The following CDCA7L variants were observed in gnomAD, a reference collection of about 807,000 sequenced individuals.
CDCA7L encodes the protein cell division cycle associated 7 like.
Under a neutral mutation model 57.4 loss-of-function variants are expected in CDCA7L, and 44 were observed. That is an observed-to-expected ratio of 0.77 (90% CI 0.60 to 0.98). The LOEUF is 0.98. Among genes scored for constraint, CDCA7L ranks in the 50% least tolerant of loss-of-function variants. The pLI is 0.00. For synonymous variants in CDCA7L, 236 were observed against 202.8 expected, an observed-to-expected ratio of 1.16 and a Z score of -1.39; for missense variants, 644 against 580.6, an observed-to-expected ratio of 1.11 and a Z score of -1.12.
chr7:21,940,320 A>G (rs762490813), intron 1 of CDCA7L: 3 of 984,832 alleles, frequency 3.0e-6, no homozygotes, highest in Non-Finnish European at 2.4e-6. Context: ...AGTGCTCTGA[A>G]AAGTAGAAAA....
chr7:21,945,719 G>A, intron 1 of CDCA7L, 62 bp downstream of exon 1: 2 of 1,593,466 alleles, frequency 1.3e-6, no homozygotes, highest in South Asian at 2.3e-5. Context: ...AGCAGGACCG[G>A]GTGGCAAAGG....
At chr7:21,928,521 G>C (rs1785894933) in intron 1 of CDCA7L, among the ~76,000 whole-genome samples, 1 of 151,964 alleles carries the variant, frequency 6.6e-6, no homozygotes, top group Non-Finnish European at 1.5e-5. Context: ...AAAGAAGCAT[G>C]TTCTAACTCA....
At chr7:21,914,011 A>C (rs1307112685) in intron 2 of CDCA7L, among the ~76,000 whole-genome samples, 2 of 152,210 alleles carry the variant, frequency 1.3e-5, no homozygotes, top group Non-Finnish European at 2.9e-5. Flanking sequence ...ATTCATCTTC[A>C]AAATCAATAC....
Position 21,943,743 on chromosome 7 carries a change from C to A in CDCA7L, c.24+2038G>T, listed in dbSNP as rs186802706. Among the ~76,000 whole-genome samples, 760 of 150,148 alleles carry A rather than the reference C, an allele frequency of 5.1e-3. 4 individuals are homozygous for A. The highest frequency in any genetic ancestry group is 7.8e-3 in the Non-Finnish European group (528 of 67,648). On this transcript the variant is annotated intron_variant, in intron 1 of 9. Transcript: ENST00000406877. Reference sequence around the variant, plus strand: ...CTTCAGAAAAGGAAAAAAAAAAAAACCCTGATCATCTTACATATAGTAATT... The same window carrying A: ...CTTCAGAAAAGGAAAAAAAAAAAAAACCTGATCATCTTACATATAGTAATT...
rs1324206528 is a variant in CDCA7L at position 21,902,875 on chromosome 7, TA to T, written c.1334+102del. 3.8e-6 allele frequency: 4 copies of T among 1,059,734 alleles called. No individual in the cohort carries two copies. In the East Asian group the frequency reaches 9.6e-5, roughly 25 times the overall value. The allele number at this position is 1,059,734 out of a possible 1,614,324, so 65.6% of individuals were successfully genotyped here. Reference sequence around the variant, plus strand: ...GGATGGTACTCGTGGTTTATATAAGTAAGTAAGTCACACGGGAAGGCAACAA... The same window carrying T: ...GGATGGTACTCGTGGTTTATATAAGTAGTAAGTCACACGGGAAGGCAACAA... On this transcript the variant is annotated intron_variant, in intron 9 of 9. Transcript: ENST00000406877.
intron 1 of CDCA7L, among the ~76,000 whole-genome samples, chr7:21,943,005 G>GT (rs1583883894): frequency 6.6e-6 from 1 of 152,302 alleles, no homozygotes; most frequent in East Asian, 1.9e-4. Context: ...GGGCCATCCT[G>GT]TACTCTGGAG....
intron 1 of CDCA7L, among the ~76,000 whole-genome samples, chr7:21,935,960 AC>A (rs1786149641): frequency 6.6e-6 from 1 of 152,172 alleles, no homozygotes; most frequent in Non-Finnish European, 1.5e-5. Flanking sequence ...GTGAGCCGCT[AC>A]TGTGCCACTA....
At chr7:21,913,006 TG>T (rs1785380409) in intron 2 of CDCA7L, among the ~76,000 whole-genome samples, 1 of 152,034 alleles carries the variant, frequency 6.6e-6, no homozygotes, top group Non-Finnish European at 1.5e-5. Flanking sequence ...GACTAGAGTC[TG>T]TCCCCAGTTT....
intron 3 of CDCA7L, among the ~76,000 whole-genome samples, chr7:21,909,880 C>G (rs1224873702): frequency 6.6e-6 from 1 of 152,146 alleles, no homozygotes; most frequent in Non-Finnish European, 1.5e-5. Flanking sequence ...GTGGTTATTT[C>G]GCATCCGGCC....
chr7:21,932,149 A>G (rs1382208329), intron 1 of CDCA7L, among the ~76,000 whole-genome samples: 3 of 152,218 alleles, frequency 2.0e-5, no homozygotes, highest in African/African-American at 7.2e-5. Context: ...AGGAAGTAAG[A>G]GAGGAAACAA....
intron 3 of CDCA7L, among the ~76,000 whole-genome samples, 175 bp downstream of exon 3, chr7:21,911,442 G>C (rs1353537338): frequency 6.6e-6 from 1 of 152,158 alleles, no homozygotes; most frequent in Non-Finnish European, 1.5e-5. Context: ...TAATGGACTG[G>C]TGGACCAGGG....
chr7:21,908,505 G>A lies in CDCA7L; in HGVS notation c.306C>T (p.Val102=), dbSNP rs554719860. Residue 102 remains valine, a splice_region_variant and synonymous_variant, in exon 4 of 10, where the codon GTC becomes GTT. Coordinates refer to ENST00000406877, the MANE Select transcript of CDCA7L (RefSeq NM_018719.5). ...LNGKTNPEVM[V]VESDLSDDGK... is the part of the protein sequence containing the mutation. ...CATCATCACTCAAATCTGACTCCAC[G>A]ACCTAATAAAATAAGAGCAAGAAAA... The A allele has an allele frequency of 9.2e-6, 14 of 1,514,160 alleles. No homozygotes were observed. The highest frequency in any genetic ancestry group is 4.1e-5 in the South Asian group (3 of 72,818). 93.8% of individuals were successfully genotyped at this position (1,514,160 alleles called of 1,614,324 possible). A position where few individuals can be genotyped will look rare whatever the true frequency, so the allele number is the denominator to read the frequency against.
In CDCA7L at chr7:21,906,320, A is replaced by C; in HGVS notation, c.890T>G (p.Phe297Cys). ...TGTCTTCCTTCTTCGGAAGCTGTAA[A>C]ACTCTTCCGCAAATTTAGCGGCTGA... ...TVSAAKFAEE[F>C]YSFRRRKTIG... Residue 297 changes from phenylalanine to cysteine, a missense_variant, in exon 6 of 10, where the codon TTT becomes TGT. Transcript: ENST00000406877. 6.2e-7 allele frequency: 1 copy of C among 1,605,758 alleles called. No homozygotes were observed. The highest frequency in any genetic ancestry group is 8.5e-7 in the Non-Finnish European group (1 of 1,177,346).
At chr7:21,909,337 G>A (rs899869279) in intron 3 of CDCA7L, among the ~76,000 whole-genome samples, 1 of 151,984 alleles carries the variant, frequency 6.6e-6, no homozygotes, top group Non-Finnish European at 1.5e-5. Context: ...GACGTCTTCT[G>A]GGCATCCTTC....
At chr7:21,911,187 G>A (rs529125227) in intron 3 of CDCA7L, among the ~76,000 whole-genome samples, 2 of 151,604 alleles carry the variant, frequency 1.3e-5, no homozygotes, top group African/African-American at 4.8e-5. Context: ...CCGCCACCAC[G>A]CCCGGCTAAT....
At chr7:21,903,366 G>A (rs987307182) in intron 8 of CDCA7L, among the ~76,000 whole-genome samples, 1 of 152,100 alleles carries the variant, frequency 6.6e-6, no homozygotes, top group Non-Finnish European at 1.5e-5. Flanking sequence ...CAAGCATTTG[G>A]CCAAGCACAG....
chr7:21,902,207 C>T lies in CDCA7L; in HGVS notation c.*115G>A, dbSNP rs1285246901. Reference sequence around the variant, plus strand: ...CTTTAACAAAAAATAGTAATTTCTACAAAGAATTTCTGTATAAAAACACAA... The same window carrying T: ...CTTTAACAAAAAATAGTAATTTCTATAAAGAATTTCTGTATAAAAACACAA... On this transcript the variant is annotated 3_prime_UTR_variant, in exon 10 of 10. Transcript: ENST00000406877. The T allele has an allele frequency of 1.0e-6, 1 of 997,744 alleles. No homozygotes were observed. The highest frequency in any genetic ancestry group is 1.6e-6 in the Non-Finnish European group (1 of 635,588). 61.8% of individuals were successfully genotyped at this position (997,744 alleles called of 1,614,324 possible).
chr7:21,906,526 C>A (rs200856074), intron 5 of CDCA7L, 42 bp downstream of exon 5: 2 of 1,613,092 alleles, frequency 1.2e-6, no homozygotes, highest in East Asian at 4.5e-5. Flanking sequence ...TGGCTGATCA[C>A]CATATATCAG....
intron 1 of CDCA7L, chr7:21,940,224 G>T: frequency 1.7e-6 from 1 of 605,418 alleles, no homozygotes; most frequent in Non-Finnish European, 2.1e-6. Context: ...AGCCTTGACT[G>T]TTTCAGGGCC....
Sources: gnomAD v4.1 joint callset for allele counts (sites outside exome capture counted in the v4.1 genomes callset) on GRCh38, gnomAD v4.1.1 for gene constraint, MANE v1.5 for transcripts, NCBI Gene and HGNC (gene_info 2026-07-23, HGNC 2026-07-21) for gene names.